DPYD: variants seen among roughly 807,000 people sequenced by gnomAD.
The protein encoded by DPYD is dihydropyrimidine dehydrogenase [NADP(+)].
DPYD carries 109 observed loss-of-function variants against 116.2 expected under a neutral mutation model. The ratio of observed to expected loss-of-function variants is 0.94; its 90% CI spans 0.80 to 1.10. DPYD has a LOEUF of 1.10. Ranked by LOEUF, DPYD falls within the 50% of genes least tolerant of loss-of-function variation. The pLI is 0.00. For missense variants in DPYD, 1,302 were observed against 1,254.5 expected (o/e 1.04, Z -0.57); for synonymous variants, 440 against 432.0 (o/e 1.02, Z -0.23).
At chr1:97,860,794 T>C (rs1471857207) in intron 2 of DPYD, among the ~76,000 whole-genome samples, 1 of 151,910 alleles carries the variant, frequency 6.6e-6, no homozygotes, top group African/African-American at 2.4e-5. Context: ...AATCACATTA[T>C]ATGAAACATT....
At chr1:97,383,526 A>C (rs1449561871) in intron 14 of DPYD, among the ~76,000 whole-genome samples, 1 of 152,024 alleles carries the variant, frequency 6.6e-6, no homozygotes, top group Non-Finnish European at 1.5e-5. Context: ...TAATAAAAGA[A>C]ATTGCTAAGA....
At chr1:97,421,607 T>C (rs1026196021) in intron 14 of DPYD, among the ~76,000 whole-genome samples, 8 of 152,160 alleles carry the variant, frequency 5.3e-5, no homozygotes. Context: ...GTTGGAAGAA[T>C]GTATTGTATG....
intron 13 of DPYD, among the ~76,000 whole-genome samples, chr1:97,512,711 T>A (rs749647619): frequency 1.6e-4 from 24 of 152,026 alleles, no homozygotes; most frequent in Non-Finnish European, 2.9e-4. Context: ...TGTTTTGTCA[T>A]GATAATTTAG....
intron 8 of DPYD, among the ~76,000 whole-genome samples, chr1:97,643,853 T>C (rs1024307243): frequency 1.3e-5 from 2 of 152,076 alleles, no homozygotes; most frequent in African/African-American, 4.8e-5. Context: ...GAACACTGCA[T>C]GTTCTCACTC....
intron 15 of DPYD, among the ~76,000 whole-genome samples, chr1:97,380,908 A>T (rs1671919698): frequency 6.6e-6 from 1 of 152,222 alleles, no homozygotes; most frequent in Admixed American, 6.5e-5. Flanking sequence ...ATGAGCTGTG[A>T]TGAAATCATG....
chr1:97,764,641 T>A (rs1194815154), intron 3 of DPYD, among the ~76,000 whole-genome samples: 1 of 152,060 alleles, frequency 6.6e-6, no homozygotes, highest in Non-Finnish European at 1.5e-5. Flanking sequence ...ACTTACACTT[T>A]AAAGAATTTT....
intron 14 of DPYD, among the ~76,000 whole-genome samples, chr1:97,413,215 G>A (rs1674105559): frequency 6.6e-6 from 1 of 152,150 alleles, no homozygotes; most frequent in Admixed American, 6.6e-5. Context: ...GCACCATGAT[G>A]TTCTTTCTTG....
intron 11 of DPYD, among the ~76,000 whole-genome samples, chr1:97,571,755 AT>A (rs1276823852): frequency 1.3e-5 from 2 of 151,920 alleles, no homozygotes; most frequent in Non-Finnish European, 2.9e-5. Context: ...AATGCTTTTC[AT>A]TTTATTTTAC....
chr1:97,421,679 C>T (rs757320258), intron 14 of DPYD, among the ~76,000 whole-genome samples: 1 of 152,084 alleles, frequency 6.6e-6, no homozygotes, highest in Non-Finnish European at 1.5e-5. Context: ...CAAGGTGAGA[C>T]ACAGGCACCC....
chr1:97,524,321 T>C (rs986982169), intron 12 of DPYD, among the ~76,000 whole-genome samples: 1 of 152,188 alleles, frequency 6.6e-6, no homozygotes, highest in Admixed American at 6.5e-5. Context: ...CTCATTTCCA[T>C]TGGATATGAC....
At chr1:97,340,296 T>C (rs572110257) in intron 16 of DPYD, among the ~76,000 whole-genome samples, 2 of 152,234 alleles carry the variant, frequency 1.3e-5, no homozygotes, top group African/African-American at 2.4e-5. Context: ...TAATTAGTGA[T>C]ATAATGATTA....
chr1:97,741,740 G>T (rs1316122042), intron 3 of DPYD, among the ~76,000 whole-genome samples: 1 of 152,152 alleles, frequency 6.6e-6, no homozygotes, highest in Non-Finnish European at 1.5e-5. Flanking sequence ...CATGCAGTTT[G>T]AATGAAGTAC....
chr1:97,359,407 T>G (rs182755948), intron 16 of DPYD, among the ~76,000 whole-genome samples: 1 of 152,152 alleles, frequency 6.6e-6, no homozygotes, highest in Non-Finnish European at 1.5e-5. Flanking sequence ...CCAGGAGAAT[T>G]TCCCCAACCT....
At chr1:97,698,267 GATT>G (rs1318529695) in intron 6 of DPYD, among the ~76,000 whole-genome samples, 2 of 151,546 alleles carry the variant, frequency 1.3e-5, no homozygotes, top group African/African-American at 4.8e-5. Context: ...AGTCAAATAA[GATT>G]ATATTAATGA....
In DPYD at chr1:97,249,681, T is replaced by C. The variant is rs1452944765; in HGVS notation, c.2300-14687A>G. On this transcript the variant is annotated intron_variant, in intron 18 of 22. Transcript: ENST00000370192. ...AAGCCAAAGTCTAGAAAAAAATATA[T>C]TCACACACATATATTTTAAAACGAA... Among the ~76,000 whole-genome samples the C allele has an allele frequency of 2.6e-5, 4 of 152,128 alleles. No individual in the cohort carries two copies. In the East Asian group the frequency reaches 7.7e-4, roughly 29 times the overall value.
intron 12 of DPYD, among the ~76,000 whole-genome samples, chr1:97,537,558 T>C (rs1026335340): frequency 6.6e-6 from 1 of 152,176 alleles, no homozygotes; most frequent in Non-Finnish European, 1.5e-5. Flanking sequence ...ATTTCATTTA[T>C]TGATATGAAT....
At chr1:97,398,807 T>C (rs1454843973) in intron 14 of DPYD, among the ~76,000 whole-genome samples, 1 of 152,230 alleles carries the variant, frequency 6.6e-6, no homozygotes, top group Non-Finnish European at 1.5e-5. Flanking sequence ...GTATTTTTCT[T>C]GTGAATTTGT....
Position 97,633,168 on chromosome 1 carries a change from A to T in DPYD, c.851-38002T>A, listed in dbSNP as rs183649286. Among the ~76,000 whole-genome samples the T allele has an allele frequency of 6.3e-3, 954 of 152,282 alleles. 5 individuals are homozygous for T. The highest frequency in any genetic ancestry group is 0.01 in the Non-Finnish European group (701 of 68,008). On this transcript the variant is annotated intron_variant, in intron 8 of 22. Coordinates refer to ENST00000370192, the MANE Select transcript of DPYD (RefSeq NM_000110.4). ...TGTGAAGTAAACCATGTTTATAAGA[A>T]TTTTGGGTCAAGATAGGATATGACA...
chr1:97,559,277 C>T (rs547799294), intron 11 of DPYD, among the ~76,000 whole-genome samples: 11 of 151,742 alleles, frequency 7.2e-5, no homozygotes, highest in Admixed American at 1.3e-4. Flanking sequence ...CTGCATTTAA[C>T]GGAAAAATAA....
Sources: gnomAD v4.1 joint callset for allele counts (sites outside exome capture counted in the v4.1 genomes callset) on GRCh38, gnomAD v4.1.1 for gene constraint, MANE v1.5 for transcripts, NCBI Gene and HGNC (gene_info 2026-07-23, HGNC 2026-07-21) for gene names.